PTK7: variants seen among roughly 807,000 people sequenced by gnomAD.
The protein encoded by PTK7 is protein tyrosine kinase 7 (inactive), also known as inactive tyrosine-protein kinase 7.
Under a neutral mutation model 116.6 loss-of-function variants are expected in PTK7, and 39 were observed. The observed-to-expected ratio is 0.33, with a 90% confidence interval of 0.26 to 0.44. The LOEUF (loss-of-function observed/expected upper bound fraction) is 0.44. Among genes scored for constraint, PTK7 ranks in the 20% least tolerant of loss-of-function variants. The pLI is 1.00. For missense variants in PTK7, 1,169 were observed against 1,425.6 expected, an observed-to-expected ratio of 0.82 and a Z score of 2.90; for synonymous variants, 546 against 563.6, an observed-to-expected ratio of 0.97 and a Z score of 0.44.
Position 43,076,615 on chromosome 6 carries a change from C to T in PTK7, c.79+48C>T. ...CACAGAGCTTGGGAAGCGCGGGAGT[C>T]CCGTGGGCAAAAGGCTGCGCCCGGG... is the stretch of plus-strand genomic sequence containing the variant. On this transcript the variant is annotated intron_variant, in intron 1 of 19. Transcript: ENST00000230419. This position sits in a 1 kb window ranked among gnomAD's most constrained non-coding sequence, Gnocchi z 5.7. 6.5e-7 allele frequency: 1 copy of T among 1,535,114 alleles called. No homozygotes were observed. The highest frequency in any genetic ancestry group is 8.7e-7 in the Non-Finnish European group (1 of 1,143,412).
chr6:43,083,331 C>CCA (rs1182133867), intron 1 of PTK7, among the ~76,000 whole-genome samples: 3 of 152,174 alleles, frequency 2.0e-5, no homozygotes, highest in Non-Finnish European at 4.4e-5. Flanking sequence ...CTGGAGCTGC[C>CCA]GCCTGCCCTT....
intron 13 of PTK7, chr6:43,142,512 T>C (rs1366027729): frequency 5.2e-6 from 4 of 772,322 alleles, no homozygotes; most frequent in Non-Finnish European, 8.7e-6. Flanking sequence ...GGTGTGTGTG[T>C]GTGTGTGTTG....
chr6:43,081,253 T>C (rs763767639), intron 1 of PTK7, among the ~76,000 whole-genome samples: 2 of 152,258 alleles, frequency 1.3e-5, no homozygotes, highest in Non-Finnish European at 2.9e-5. Flanking sequence ...GTAGACACTG[T>C]AGAACTTCTG....
At chr6:43,152,839 G>T (rs575988378) in intron 17 of PTK7, among the ~76,000 whole-genome samples, 164 of 152,200 alleles carry the variant, frequency 1.1e-3, no homozygotes, top group African/African-American at 3.2e-3. Flanking sequence ...AGGCTGAAGT[G>T]CAGTGGCAGG....
intron 1 of PTK7, among the ~76,000 whole-genome samples, chr6:43,121,794 AC>A (rs1582138561): frequency 6.6e-6 from 1 of 152,182 alleles, no homozygotes; most frequent in African/African-American, 2.4e-5. Flanking sequence ...GACTGGACTT[AC>A]TGTTCACTCA....
At position 43,139,109 on chromosome 6, in the gene PTK7, C is replaced by G. The variant is rs781267613; in HGVS notation, c.1363-27C>G. On this transcript the variant is annotated intron_variant, in intron 8 of 19. Transcript: ENST00000230419. The surrounding 1 kb of genome is among the most constrained non-coding windows in gnomAD (Gnocchi z 4.6). Reference sequence around the variant, plus strand: ...AGGGAGAGGTGGGTGTGGGTTCAGGCTCTGAGGCCTCTCACCTGTGCTGCA... The same window carrying G: ...AGGGAGAGGTGGGTGTGGGTTCAGGGTCTGAGGCCTCTCACCTGTGCTGCA... The G allele has an allele frequency of 7.4e-6, 12 of 1,613,546 alleles. No homozygotes were observed. The highest frequency in any genetic ancestry group is 1.0e-5 in the Non-Finnish European group (12 of 1,179,762).
intron 1 of PTK7, among the ~76,000 whole-genome samples, chr6:43,094,566 G>A (rs893143131): frequency 1.9e-4 from 28 of 151,194 alleles, no homozygotes; most frequent in Non-Finnish European, 3.7e-4. Flanking sequence ...CTGAGTTCAC[G>A]CCATTCTCCT....
intron 15 of PTK7, chr6:43,144,809 T>C (rs2150456248): frequency 3.9e-6 from 2 of 518,906 alleles, no homozygotes; most frequent in South Asian, 4.3e-5. Context: ...TCCTGTGTAC[T>C]ACCTGTAGTA....
At chr6:43,116,651 T>TGCGTGCGCGCGCGCGCGC (rs1554151412) in intron 1 of PTK7, among the ~76,000 whole-genome samples, 1 of 77,214 alleles carries the variant, frequency 1.3e-5, no homozygotes, top group African/African-American at 6.5e-5. Context: ...TGTGTGTGTG[T>TGCGTGCGCGCGCGCGCGC]GCGCGCGCAC....
rs113897489 is a variant in PTK7 at position 43,145,434 on chromosome 6, T to G, written c.2640+2T>G. ...ATGGTGCTGGAATATGTGGATCTGG[T>G]ATGCTGTTGGCAGGGGACGTGGGGG... is the stretch of plus-strand genomic sequence containing the variant. On this transcript the variant is annotated splice_donor_variant, in intron 16 of 19. Transcript: ENST00000230419. LOFTEE classifies it high-confidence loss of function. The surrounding 1 kb of genome is among the most constrained non-coding windows in gnomAD (Gnocchi z 4.8). The G allele has an allele frequency of 6.4e-7, 1 of 1,550,600 alleles. No individual in the cohort carries two copies. Among genetic ancestry groups the G allele is most frequent in the Non-Finnish European group, 8.8e-7 (1 of 1,141,016 alleles).
At chr6:43,112,242 TTTTATTTA>T (rs36184350) in intron 1 of PTK7, among the ~76,000 whole-genome samples, 2,314 of 146,526 alleles carry the variant, frequency 0.016, 58 homozygotes, top group African/African-American at 0.051. Context: ...TGCTAGCCAG[TTTTATTTA>T]TTTATTTATT....
Position 43,161,048 on chromosome 6 carries a change from C to T in PTK7, c.*167C>T, listed in dbSNP as rs978286040. On this transcript the variant is annotated 3_prime_UTR_variant, in exon 20 of 20. Coordinates refer to ENST00000230419, the MANE Select transcript of PTK7 (RefSeq NM_002821.5). Reference sequence around the variant, plus strand: ...GCCTGGCCTTTCCTCCTCTTCCTCACCCTCATCCTTTGGGAGGCTGACTTG... The same window carrying T: ...GCCTGGCCTTTCCTCCTCTTCCTCATCCTCATCCTTTGGGAGGCTGACTTG... The T allele has an allele frequency of 5.9e-6, 6 of 1,022,264 alleles. No homozygotes were observed. The highest frequency in any genetic ancestry group is 8.2e-6 in the Non-Finnish European group (6 of 728,150). 63.3% of individuals were successfully genotyped at this position (1,022,264 alleles called of 1,614,324 possible).
intron 17 of PTK7, among the ~76,000 whole-genome samples, chr6:43,157,604 G>T (rs568638842): frequency 7.7e-4 from 117 of 151,774 alleles, no homozygotes; most frequent in Middle Eastern, 3.4e-3. Flanking sequence ...TCTAAGATCA[G>T]GCATGGTGCC....
chr6:43,130,638 G>C lies in PTK7; in HGVS notation c.789G>C (p.Glu263Asp). The C allele has an allele frequency of 6.2e-7, 1 of 1,614,190 alleles. No homozygotes were observed. The highest frequency in any genetic ancestry group is 2.2e-5 in the East Asian group (1 of 44,890). ...GCCTGCAGTGGCTCTTTGAGGATGA[G>C]ACTCCCATCACTAACCGCAGTCGGT... Reference protein sequence around the residue: ...PPSLQWLFEDETPITNRSRPP... With the variant: ...PPSLQWLFEDDTPITNRSRPP... The change falls in exon 5 of 20, where the codon GAG becomes GAC. Residue 263 changes from glutamate (E) to aspartate (D), a missense_variant. By Grantham distance (45) the Glu-to-Asp change is conservative (BLOSUM62 2). Transcript: ENST00000230419.
chr6:43,135,224 T>A (rs1769955712), intron 7 of PTK7, among the ~76,000 whole-genome samples: 1 of 152,092 alleles, frequency 6.6e-6, no homozygotes, highest in African/African-American at 2.4e-5. Context: ...TGAGAGTGTG[T>A]GATGCAAACA....
At chr6:43,146,322 T>C (rs1361003941) in intron 16 of PTK7, among the ~76,000 whole-genome samples, 3 of 152,156 alleles carry the variant, frequency 2.0e-5, no homozygotes, top group South Asian at 4.1e-4. Flanking sequence ...GGGACTGTTT[T>C]CCTCTTGGCT....
chr6:43,152,607 G>A (rs925476918), intron 17 of PTK7, among the ~76,000 whole-genome samples: 1 of 152,230 alleles, frequency 6.6e-6, no homozygotes, highest in Non-Finnish European at 1.5e-5. Context: ...GCCTCAGGCA[G>A]CACTGATCAG....
At chr6:43,140,402 G>A (rs1770326982) in intron 10 of PTK7, among the ~76,000 whole-genome samples, 1 of 150,078 alleles carries the variant, frequency 6.7e-6, no homozygotes, top group African/African-American at 2.5e-5. Flanking sequence ...GCAGTGAGCC[G>A]AGATTGTGCC....
intron 19 of PTK7, among the ~76,000 whole-genome samples, 198 bp from the exon 20 acceptor site, chr6:43,160,523 A>G (rs1315080285): frequency 6.6e-6 from 1 of 152,136 alleles, no homozygotes; most frequent in Non-Finnish European, 1.5e-5. Context: ...GCTCCTATGC[A>G]TGGACCCCGT....
Sources: gnomAD v4.1 joint callset for allele counts (sites outside exome capture counted in the v4.1 genomes callset) on GRCh38, gnomAD v4.1.1 for gene constraint, Gnocchi (gnomAD v3.1) non-coding constraint, MANE v1.5 for transcripts, NCBI Gene and HGNC (gene_info 2026-07-23, HGNC 2026-07-21) for gene names.